NEK10: variants seen among roughly 807,000 people sequenced by gnomAD.
NEK10 encodes serine/threonine-protein kinase Nek10.
NEK10 carries 122 observed loss-of-function variants against 159.8 expected under a neutral mutation model. That is an observed-to-expected ratio of 0.76 (90% CI 0.66 to 0.89). The LOEUF (loss-of-function observed/expected upper bound fraction) is 0.89, where lower values mean the gene tolerates loss of function less well. NEK10 is among the 40% of genes least tolerant of loss of function. The pLI, the probability that NEK10 is intolerant of heterozygous loss-of-function variation, is 0.00. For missense variants in NEK10, 1,342 were observed against 1,323.1 expected (o/e 1.01, Z -0.22); for synonymous variants, 466 against 457.1 (o/e 1.02, Z -0.25).
At chr3:27,144,978 T>A (rs1341113654) in intron 30 of NEK10, among the ~76,000 whole-genome samples, 1 of 152,156 alleles carries the variant, frequency 6.6e-6, no homozygotes, top group Admixed American at 6.5e-5. Flanking sequence ...CACCTCGACC[T>A]CCCAAAGTGT....
In NEK10 at chr3:27,346,131, C is replaced by A; in HGVS notation, c.218G>T (p.Gly73Val). ...AIRAGGHRAR[G>V]QWHESTEAVE... Reference sequence around the variant, plus strand: ...AGCTTCTGTGGATTCATGCCACTGACCCCGAGCTCTGTGTCCACCCGCCCT... The same window carrying A: ...AGCTTCTGTGGATTCATGCCACTGAACCCGAGCTCTGTGTCCACCCGCCCT... The change falls in exon 4 of 36, where the codon GGT becomes GTT. Residue 73 changes from glycine to valine, a missense_variant. Coordinates refer to ENST00000691995, the MANE Select transcript of NEK10 (RefSeq NM_001394966.1). 1 of 1,613,728 alleles carries A rather than the reference C, an allele frequency of 6.2e-7. No individual in the cohort carries two copies. Among genetic ancestry groups the A allele is most frequent in the Non-Finnish European group, 8.5e-7 (1 of 1,179,684 alleles).
intron 23 of NEK10, among the ~76,000 whole-genome samples, chr3:27,229,400 G>A (rs984427950): frequency 2.6e-5 from 4 of 152,084 alleles, no homozygotes; most frequent in African/African-American, 9.7e-5. Context: ...ACAATCTGAA[G>A]AAACAGTCTA....
At chr3:27,326,089 T>A (rs1443133477) in intron 5 of NEK10, among the ~76,000 whole-genome samples, 1 of 152,182 alleles carries the variant, frequency 6.6e-6, no homozygotes, top group Non-Finnish European at 1.5e-5. Flanking sequence ...ATACCCTGCA[T>A]TGGGAAAAAT....
chr3:27,320,117 G>A (rs762157209), intron 6 of NEK10, among the ~76,000 whole-genome samples: 6 of 152,156 alleles, frequency 3.9e-5, no homozygotes, highest in Non-Finnish European at 7.4e-5. Context: ...AGGGAGGACA[G>A]ACTCGGAGAT....
chr3:27,230,599 C>T (rs1458168274), intron 23 of NEK10, among the ~76,000 whole-genome samples: 2 of 151,928 alleles, frequency 1.3e-5, no homozygotes, highest in Non-Finnish European at 2.9e-5. Flanking sequence ...AAACAACCAA[C>T]CAAATATCTG....
At chr3:27,113,168 T>C (rs1679794992) in intron 35 of NEK10, among the ~76,000 whole-genome samples, 1 of 152,120 alleles carries the variant, frequency 6.6e-6, no homozygotes, top group African/African-American at 2.4e-5. Context: ...GTGTGGTGGA[T>C]CATGCCTGTA....
chr3:27,183,602 TTC>T (rs1225996283), intron 26 of NEK10, among the ~76,000 whole-genome samples: 1 of 151,974 alleles, frequency 6.6e-6, no homozygotes, highest in Non-Finnish European at 1.5e-5. Context: ...AATTAAAATT[TTC>T]TGTTTATCCA....
At position 27,243,506 on chromosome 3, in the gene NEK10, A is replaced by C. The variant is rs6791666; in HGVS notation, c.2090+12790T>G. 8.8e-3 allele frequency among the ~76,000 whole-genome samples: 1,341 copies of C among 152,090 alleles called. 24 individuals carry two copies. Among genetic ancestry groups the C allele is most frequent in the African/African-American group, 0.03 (1,243 of 41,478 alleles). The stretch of plus-strand genomic sequence containing the variant: ...ATATGTTTACCCTCATCACCTTGCT[A>C]TCTTTTCTCTTCTTTCCTTTTGATT... On this transcript the variant is annotated intron_variant, in intron 23 of 35. Transcript: ENST00000691995.
intron 24 of NEK10, 118 bp downstream of exon 24, chr3:27,202,310 T>G (rs1950124930): frequency 2.2e-6 from 2 of 913,290 alleles, no homozygotes; most frequent in Non-Finnish European, 3.1e-6. Flanking sequence ...ATGCAGTTAA[T>G]AAAAACAATT....
chr3:27,352,406 C>T, intron 3 of NEK10, 59 bp downstream of exon 3: 2 of 1,061,318 alleles, frequency 1.9e-6, no homozygotes, highest in Non-Finnish European at 1.5e-6. Flanking sequence ...TAAATGGAGC[C>T]CTTTGGAAAC....
chr3:27,234,558 G>A (rs925165771), intron 23 of NEK10, among the ~76,000 whole-genome samples: 1 of 152,062 alleles, frequency 6.6e-6, no homozygotes, highest in Admixed American at 6.6e-5. Context: ...GCTAACAAGG[G>A]AAGTGAAGGA....
At chr3:27,297,961 C>G (rs1339340987) in intron 13 of NEK10, among the ~76,000 whole-genome samples, 2 of 152,170 alleles carry the variant, frequency 1.3e-5, no homozygotes, top group Non-Finnish European at 2.9e-5. Context: ...ATAATTCTCA[C>G]AATGATCTTC....
chr3:27,118,086 A>G (rs1940748748), intron 33 of NEK10, among the ~76,000 whole-genome samples: 1 of 152,142 alleles, frequency 6.6e-6, no homozygotes, highest in Non-Finnish European at 1.5e-5. Context: ...TCCTTTCCCC[A>G]TTGCTTGTTT....
intron 1 of NEK10, among the ~76,000 whole-genome samples, chr3:27,362,189 C>T (rs2048736957): frequency 6.6e-6 from 1 of 152,072 alleles, no homozygotes; most frequent in African/African-American, 2.4e-5. Context: ...ACGGGCCTGG[C>T]CAGTGAACAC....
chr3:27,206,044 T>A (rs985001145), intron 23 of NEK10, among the ~76,000 whole-genome samples: 1 of 152,338 alleles, frequency 6.6e-6, no homozygotes, highest in African/African-American at 2.4e-5. Flanking sequence ...GTCTCTTTTA[T>A]AAGGGCACTA....
chr3:27,212,213 C>T (rs1951069817), intron 23 of NEK10, among the ~76,000 whole-genome samples: 1 of 152,132 alleles, frequency 6.6e-6, no homozygotes, highest in South Asian at 2.1e-4. Flanking sequence ...TGCTTTGGTA[C>T]AGTATTAAAA....
chr3:27,291,653 AT>A, intron 16 of NEK10, 67 bp from the exon 17 acceptor site: 2 of 929,040 alleles, frequency 2.2e-6, no homozygotes, highest in African/African-American at 1.6e-5. Context: ...TCCCTTTTTT[AT>A]TTTTTTGAGA....
rs1182453657 is a variant in NEK10 at position 27,369,269 on chromosome 3, T to C, written c.-82A>G. ...CTCCTTCAGGCCAATCTCCTTATCA[T>C]TGTCCCTGCTGCTGTCACCTGCTGC... On this transcript the variant is annotated 5_prime_UTR_variant, in exon 1 of 36. The change abolishes an upstream ATG in the 5' untranslated region. Coordinates refer to ENST00000691995, the MANE Select transcript of NEK10 (RefSeq NM_001394966.1). This position sits in a 1 kb window ranked among gnomAD's most constrained non-coding sequence, Gnocchi z 4.2. 1.3e-5 allele frequency: 2 copies of C among 152,370 alleles called. No homozygotes were observed. The highest frequency in any genetic ancestry group is 2.9e-5 in the Non-Finnish European group (2 of 68,276). The allele number at this position is 152,370 out of a possible 1,614,324, so 9.4% of individuals were successfully genotyped here. A position where few individuals can be genotyped will look rare whatever the true frequency, so the allele number is the denominator to read the frequency against.
At chr3:27,218,487 C>T (rs937120369) in intron 23 of NEK10, among the ~76,000 whole-genome samples, 7 of 151,770 alleles carry the variant, frequency 4.6e-5, no homozygotes, top group African/African-American at 1.7e-4. Flanking sequence ...TGCCTTTAAT[C>T]CCAGCTGCTC....
Sources: allele counts gnomAD v4.1 joint callset (sites outside exome capture counted in the v4.1 genomes callset), GRCh38; gene constraint gnomAD v4.1.1; non-coding constraint Gnocchi (gnomAD v3.1); transcripts MANE v1.5; gene names NCBI Gene and HGNC (gene_info 2026-07-23, HGNC 2026-07-21).